Variants in ITGB3BP observed in about 807,000 individuals in gnomAD.
ITGB3BP encodes integrin subunit beta 3 binding protein.
ITGB3BP carries 27 observed loss-of-function variants against 29.1 expected under a neutral mutation model. That is an observed-to-expected ratio of 0.93 (90% CI 0.68 to 1.28). ITGB3BP has a LOEUF of 1.28. Ranked by LOEUF, ITGB3BP falls within the 50% of genes most tolerant of loss-of-function variation. The pLI is 0.00. For synonymous variants in ITGB3BP, 61 were observed against 61.4 expected (o/e 0.99, Z 0.03); for missense variants, 192 against 200.2 (o/e 0.96, Z 0.25).
chr1:63,511,613 A>G (rs1646201799), intron 1 of ITGB3BP, among the ~76,000 whole-genome samples: 1 of 152,166 alleles, frequency 6.6e-6, no homozygotes, highest in African/African-American at 2.4e-5. Context: ...CTTTAAAAAA[A>G]AGAAATGAAA....
At chr1:63,492,799 A>G (rs1570252913) in intron 2 of ITGB3BP, among the ~76,000 whole-genome samples, 1 of 152,004 alleles carries the variant, frequency 6.6e-6, no homozygotes, top group Non-Finnish European at 1.5e-5. Context: ...ACAAAAAACA[A>G]AAAGAAAGAA....
In ITGB3BP at chr1:63,478,985, TC is replaced by T. The variant is rs373679586; in HGVS notation, c.185-153del. 1.4e-4 allele frequency: 52 copies of T among 376,370 alleles called. 1 individual carries two copies. The South Asian group carries it at 4.1e-3, about 29-fold the overall frequency. The allele number at this position is 376,370 out of a possible 1,614,324, so 23.3% of individuals were successfully genotyped here. On this transcript the variant is annotated intron_variant, in intron 3 of 8. Transcript: ENST00000271002. ...AAAAAGTATCCTATTTTGTTTTTTT[TC>T]ATTTCCCATTTTCCTAATTTCTTAC...
intron 4 of ITGB3BP, chr1:63,457,027 A>G (rs542162552): frequency 1.3e-5 from 2 of 152,316 alleles, no homozygotes; most frequent in East Asian, 3.9e-4. Flanking sequence ...ACTTGTATCC[A>G]TTGCAGGATC....
At chr1:63,457,657 G>C (rs531472775) in intron 4 of ITGB3BP, 1 of 152,050 alleles carries the variant, frequency 6.6e-6, no homozygotes, top group Non-Finnish European at 1.5e-5. Flanking sequence ...TCATCATTGG[G>C]TGCCATTCAT....
In ITGB3BP at chr1:63,454,745, G is replaced by A. The variant is rs1644908163; in HGVS notation, c.333+145C>T. On this transcript the variant is annotated intron_variant, in intron 5 of 8. Transcript: ENST00000271002. This position sits in a 1 kb window ranked among gnomAD's most constrained non-coding sequence, Gnocchi z 4.1. Reference sequence around the variant, plus strand: ...TACTAAAATATTATGGTTAAATAGTGTTCTCCTATTAAAAAAAAAATTCCC... The same window carrying A: ...TACTAAAATATTATGGTTAAATAGTATTCTCCTATTAAAAAAAAAATTCCC... 1 of 468,468 alleles carries A rather than the reference G, an allele frequency of 2.1e-6. No homozygotes were observed. The highest frequency in any genetic ancestry group is 3.8e-6 in the Non-Finnish European group (1 of 262,326). 29.0% of individuals were successfully genotyped at this position (468,468 alleles called of 1,614,324 possible).
chr1:63,517,610 A>AT (rs1268414979), intron 1 of ITGB3BP, among the ~76,000 whole-genome samples: 1 of 152,076 alleles, frequency 6.6e-6, no homozygotes, highest in Non-Finnish European at 1.5e-5. Context: ...TTGTACACTG[A>AT]TTTTGCATCC....
upstream of ITGB3BP, chr1:63,523,367 G>GT: frequency 1.7e-6 from 1 of 598,014 alleles, no homozygotes; most frequent in East Asian, 2.8e-5. Context: ...TCCTGCTGGT[G>GT]TAACAGAGCA....
At chr1:63,444,981 G>T (rs1272158627) in intron 8 of ITGB3BP, among the ~76,000 whole-genome samples, 5 of 152,042 alleles carry the variant, frequency 3.3e-5, no homozygotes, top group Non-Finnish European at 7.4e-5. Context: ...AACACTGCTG[G>T]CACATAGAAA....
At chr1:63,469,396 G>A (rs534345514) in intron 4 of ITGB3BP, among the ~76,000 whole-genome samples, 54 of 151,196 alleles carry the variant, frequency 3.6e-4, no homozygotes, top group Admixed American at 1.9e-3. Context: ...GCACGATCTC[G>A]GCTCACCACA....
chr1:63,509,486 C>T (rs1570311952), intron 1 of ITGB3BP, among the ~76,000 whole-genome samples: 2 of 152,088 alleles, frequency 1.3e-5, no homozygotes, highest in African/African-American at 4.8e-5. Context: ...TGTTATATTA[C>T]AGAAATCCCC....
intron 2 of ITGB3BP, among the ~76,000 whole-genome samples, chr1:63,494,324 C>T (rs1011789516): frequency 2.0e-5 from 3 of 152,118 alleles, no homozygotes; most frequent in Admixed American, 6.5e-5. Flanking sequence ...TCACTATGTT[C>T]ACCAGGTTGG....
At chr1:63,508,381 C>G in intron 2 of ITGB3BP, 147 bp downstream of exon 2, 1 of 456,460 alleles carries the variant, frequency 2.2e-6, no homozygotes, top group East Asian at 3.6e-5. Context: ...ATCTTATATG[C>G]AGAAAATGGT....
chr1:63,454,682 A>G lies in ITGB3BP; in HGVS notation c.333+208T>C, dbSNP rs1440065152. ...TAATTAACTAAAAAGACTAAATGTAATCTATAAATTTATGTTTAAATGTGA... is the reference window on the plus strand; with the variant it reads ...TAATTAACTAAAAAGACTAAATGTAGTCTATAAATTTATGTTTAAATGTGA... On this transcript the variant is annotated intron_variant, in intron 5 of 8. Transcript: ENST00000271002. The surrounding 1 kb of genome is among the most constrained non-coding windows in gnomAD (Gnocchi z 4.1). Among the ~76,000 whole-genome samples, 2 of 152,178 alleles carry G rather than the reference A, an allele frequency of 1.3e-5. No homozygotes were observed.
chr1:63,474,973 G>A (rs1003198997), intron 4 of ITGB3BP, among the ~76,000 whole-genome samples: 1 of 152,040 alleles, frequency 6.6e-6, no homozygotes, highest in Non-Finnish European at 1.5e-5. Flanking sequence ...GTTGTTTATT[G>A]ATTGATTCAC....
chr1:63,496,717 T>G (rs1438566688), intron 2 of ITGB3BP, among the ~76,000 whole-genome samples: 1 of 152,226 alleles, frequency 6.6e-6, no homozygotes, highest in African/African-American at 2.4e-5. Flanking sequence ...GGCTGGCTTT[T>G]CTACTGCAAT....
intron 1 of ITGB3BP, among the ~76,000 whole-genome samples, chr1:63,520,355 TTCAAA>T (rs1212221604): frequency 6.6e-6 from 1 of 152,140 alleles, no homozygotes; most frequent in African/African-American, 2.4e-5. Context: ...ATTTTTCCAC[TTCAAA>T]TCTTTAAAAA....
chr1:63,474,961 A>T (rs1181803491), intron 4 of ITGB3BP, among the ~76,000 whole-genome samples: 1 of 152,192 alleles, frequency 6.6e-6, no homozygotes, highest in East Asian at 1.9e-4. Context: ...CAAATGTGAA[A>T]TGTTGTTTAT....
chr1:63,482,191 T>C (rs1645449181), intron 3 of ITGB3BP, among the ~76,000 whole-genome samples: 1 of 134,712 alleles, frequency 7.4e-6, no homozygotes, highest in African/African-American at 2.7e-5. Flanking sequence ...GAGAATCACT[T>C]GAACCTGGGA....
At chr1:63,508,594 AT>A in intron 1 of ITGB3BP, 24 bp from the exon 2 acceptor site, 2 of 1,125,214 alleles carry the variant, frequency 1.8e-6, no homozygotes, top group African/African-American at 1.6e-5. Context: ...ATTTAAAGAA[AT>A]TTTAGATTTG....
Sources: gnomAD v4.1 joint callset for allele counts (sites outside exome capture counted in the v4.1 genomes callset) on GRCh38, gnomAD v4.1.1 for gene constraint, Gnocchi (gnomAD v3.1) non-coding constraint, MANE v1.5 for transcripts, NCBI Gene and HGNC (gene_info 2026-07-23, HGNC 2026-07-21) for gene names.